Variants in EPDR1 observed in about 807,000 individuals in gnomAD.
The protein encoded by EPDR1 is mammalian ependymin-related protein 1.
A neutral mutation model predicts 23.7 loss-of-function variants in EPDR1; 27 were observed. The ratio of observed to expected loss-of-function variants is 1.14; its 90% CI spans 0.84 to 1.57. The LOEUF (loss-of-function observed/expected upper bound fraction) is 1.57. Ranked by LOEUF, EPDR1 falls within the 40% of genes most tolerant of loss-of-function variation. The pLI, the probability that EPDR1 is intolerant of heterozygous loss-of-function variation, is 0.00. For synonymous variants in EPDR1, 137 were observed against 118.2 expected (o/e 1.16, Z -1.03); for missense variants, 349 against 290.4 (o/e 1.20, Z -1.47).
At chr7:37,942,972 G>A (rs1786200111) in intron 1 of EPDR1, among the ~76,000 whole-genome samples, 1 of 152,200 alleles carries the variant, frequency 6.6e-6, no homozygotes, top group Non-Finnish European at 1.5e-5. Context: ...AGCAAAACAG[G>A]CCGCTGGCCC....
chr7:37,928,736 C>A (rs183268412), intron 1 of EPDR1, among the ~76,000 whole-genome samples: 5 of 152,268 alleles, frequency 3.3e-5, no homozygotes, highest in African/African-American at 1.2e-4. Context: ...CTGCTCTTCT[C>A]TGGACTGCTA....
intron 1 of EPDR1, among the ~76,000 whole-genome samples, chr7:37,934,621 C>T (rs558584696): frequency 9.2e-5 from 14 of 152,036 alleles, no homozygotes; most frequent in Admixed American, 3.3e-4. Flanking sequence ...ATGGATTCCA[C>T]CAACTACAGA....
chr7:37,942,782 TAA>T (rs34246695), intron 1 of EPDR1, among the ~76,000 whole-genome samples: 7 of 151,396 alleles, frequency 4.6e-5, no homozygotes, highest in Non-Finnish European at 8.8e-5. Context: ...TCTGTTTTAC[TAA>T]AAAAAAACTA....
intron 1 of EPDR1, among the ~76,000 whole-genome samples, chr7:37,935,432 T>C (rs563963626): frequency 6.6e-6 from 1 of 152,326 alleles, no homozygotes; most frequent in Admixed American, 6.5e-5. Flanking sequence ...TATGAGATTT[T>C]CCTGCCATGG....
chr7:37,930,226 G>GC (rs769106857), intron 1 of EPDR1, among the ~76,000 whole-genome samples: 17 of 152,308 alleles, frequency 1.1e-4, no homozygotes, highest in Admixed American at 7.2e-4. Flanking sequence ...CTTGGAAGAG[G>GC]CACCAGAGTC....
chr7:37,940,341 G>T (rs575789807), intron 1 of EPDR1, among the ~76,000 whole-genome samples: 1 of 152,226 alleles, frequency 6.6e-6, no homozygotes, highest in Non-Finnish European at 1.5e-5. Flanking sequence ...TTGCCTCAAC[G>T]TACCATTTTC....
chr7:37,931,158 A>T (rs1457064584), intron 1 of EPDR1, among the ~76,000 whole-genome samples: 1 of 152,066 alleles, frequency 6.6e-6, no homozygotes. Context: ...TTTTTGGTGT[A>T]TACAATTTGG....
intron 1 of EPDR1, among the ~76,000 whole-genome samples, chr7:37,925,211 A>T (rs1212251948): frequency 1.3e-5 from 2 of 152,248 alleles, no homozygotes; most frequent in East Asian, 1.9e-4. Context: ...TTCAGGCAGC[A>T]TGTTGAACTT....
intron 1 of EPDR1, among the ~76,000 whole-genome samples, chr7:37,931,303 C>T (rs551355475): frequency 1.4e-4 from 21 of 152,186 alleles, no homozygotes; most frequent in African/African-American, 4.3e-4. Flanking sequence ...CACCTGAGGT[C>T]AGGAGTTTGA....
chr7:37,921,996 A>T (rs1483303298), intron 1 of EPDR1, among the ~76,000 whole-genome samples: 3 of 152,174 alleles, frequency 2.0e-5, no homozygotes, highest in Non-Finnish European at 4.4e-5. Flanking sequence ...CTGTTGTGAC[A>T]AAGGAAACCC....
chr7:37,934,071 G>C (rs2132007996), intron 1 of EPDR1, among the ~76,000 whole-genome samples: 1 of 151,870 alleles, frequency 6.6e-6, no homozygotes, highest in East Asian at 1.9e-4. Flanking sequence ...CCACTTCCCG[G>C]GTTCACGCCA....
At chr7:37,949,783 T>G (rs1786358626) in intron 2 of EPDR1, among the ~76,000 whole-genome samples, 1 of 152,158 alleles carries the variant, frequency 6.6e-6, no homozygotes, top group African/African-American at 2.4e-5. Flanking sequence ...TATTCAGCCT[T>G]AAAAAGGAAG....
rs146934828 is a variant in EPDR1, at chr7:37,949,011, C to T, written c.441C>T (p.Thr147=). ...TCGGGGGGCCTCAGGAGCAGATCACCGTCCAGGAGTGGTCGGACAGAAAGT... is the reference window on the plus strand; with the variant it reads ...TCGGGGGGCCTCAGGAGCAGATCACTGTCCAGGAGTGGTCGGACAGAAAGT... The part of the protein sequence containing the change: ...YSIGGPQEQI[T]VQEWSDRKSA... Residue 147 remains threonine (T), a synonymous_variant, in exon 2 of 3, where the codon ACC becomes ACT. Coordinates refer to ENST00000199448, the MANE Select transcript of EPDR1 (RefSeq NM_017549.5). The T allele has an allele frequency of 1.6e-4, 252 of 1,614,038 alleles. No individual in the cohort carries two copies. The highest frequency in any genetic ancestry group is 1.8e-4 in the Non-Finnish European group (213 of 1,180,044).
At chr7:37,945,351 G>A (rs1313688730) in intron 1 of EPDR1, among the ~76,000 whole-genome samples, 1 of 152,098 alleles carries the variant, frequency 6.6e-6, no homozygotes, top group African/African-American at 2.4e-5. Context: ...ATTTCTAAAG[G>A]TATGTGTCTG....
intron 1 of EPDR1, among the ~76,000 whole-genome samples, chr7:37,923,549 T>C (rs1193914936): frequency 6.6e-6 from 1 of 152,144 alleles, no homozygotes; most frequent in Non-Finnish European, 1.5e-5. Flanking sequence ...TGAAGACTTG[T>C]ACAGTAGTGG....
rs113263924 is a variant in EPDR1, at chr7:37,950,414, C to T, written c.*18C>T. On this transcript the variant is annotated 3_prime_UTR_variant, in exon 3 of 3. Transcript: ENST00000199448. Reference sequence around the variant, plus strand: ...CCTGGTGAGCCTGTGCATAGGGAAGCGGCAGCATCGGATGTCAGCCCCCTG... The same window carrying T: ...CCTGGTGAGCCTGTGCATAGGGAAGTGGCAGCATCGGATGTCAGCCCCCTG... 8,204 of 1,589,884 alleles carry T rather than the reference C, an allele frequency of 5.2e-3. 29 individuals carry two copies. The highest frequency in any genetic ancestry group is 6.6e-3 in the Non-Finnish European group (7,654 of 1,165,148).
At chr7:37,936,734 G>T (rs1786062016) in intron 1 of EPDR1, among the ~76,000 whole-genome samples, 1 of 152,012 alleles carries the variant, frequency 6.6e-6, no homozygotes, top group South Asian at 2.1e-4. Flanking sequence ...GACAACAAAA[G>T]ATCAACTACT....
At chr7:37,946,092 A>G (rs1012919992) in intron 1 of EPDR1, among the ~76,000 whole-genome samples, 19 of 152,184 alleles carry the variant, frequency 1.2e-4, no homozygotes, top group African/African-American at 4.3e-4. Flanking sequence ...TCCATTGTGT[A>G]TATGTACCCC....
chr7:37,936,564 G>A (rs1786057342), intron 1 of EPDR1, among the ~76,000 whole-genome samples: 1 of 151,994 alleles, frequency 6.6e-6, no homozygotes, highest in East Asian at 1.9e-4. Flanking sequence ...TAGTATTCCT[G>A]GAAGACACAA....
Sources: allele counts gnomAD v4.1 joint callset (sites outside exome capture counted in the v4.1 genomes callset), GRCh38; gene constraint gnomAD v4.1.1; transcripts MANE v1.5; gene names NCBI Gene and HGNC (gene_info 2026-07-23, HGNC 2026-07-21).